Variants in MEA1 observed in about 807,000 individuals in gnomAD.
The protein encoded by MEA1 is Male-enhanced antigen (H-Y structural gene).
Under a neutral mutation model 21.4 loss-of-function variants are expected in MEA1, and 22 were observed. The ratio of observed to expected loss-of-function variants is 1.03; its 90% CI spans 0.73 to 1.47. The LOEUF (loss-of-function observed/expected upper bound fraction) is 1.47. MEA1 is among the 40% of genes most tolerant of loss of function. The pLI, the probability that MEA1 is intolerant of heterozygous loss-of-function variation, is 0.00. For synonymous variants in MEA1, 91 were observed against 85.5 expected (o/e 1.06, Z -0.35); for missense variants, 233 against 230.5 (o/e 1.01, Z -0.07).
upstream of MEA1, chr6:43,014,287 A>G: frequency 1.3e-6 from 1 of 752,944 alleles, no homozygotes; most frequent in South Asian, 1.9e-5. Flanking sequence ...GTTGGCGCGC[A>G]ACGGGTTCTA....
At chr6:43,013,530 A>G (rs1762454772) in intron 1 of MEA1, 141 bp from the exon 2 acceptor site, 2 of 964,572 alleles carry the variant, frequency 2.1e-6, no homozygotes, top group African/African-American at 3.3e-5. Flanking sequence ...CCTCCGCCCC[A>G]ATTCCAGCCT....
In MEA1 at chr6:43,013,335, C is replaced by G. The variant is rs766461819; in HGVS notation, c.83G>C (p.Arg28Pro). 2 of 1,613,978 alleles carry G rather than the reference C, an allele frequency of 1.2e-6. No individual in the cohort carries two copies. Among genetic ancestry groups the G allele is most frequent in the South Asian group, 1.1e-5 (1 of 91,078 alleles). Residue 28 changes from arginine to proline, a missense_variant, in exon 2 of 4, where the codon CGT (arginine) becomes CCT (proline). Transcript: ENST00000244711. ...VLGGDTMGPE[R>P]IFPNQTEELG... ...TTCCTCAGTCTGATTGGGGAAGATA[C>G]GCTCAGGGCCCATGGTGTCTCCTCC...
In MEA1 at chr6:43,013,916, C is replaced by A. The variant is rs1355316793; in HGVS notation, c.-103G>T. 1.3e-6 allele frequency: 2 copies of A among 1,484,298 alleles called. No homozygotes were observed. Among genetic ancestry groups the A allele is most frequent in the Non-Finnish European group, 1.8e-6 (2 of 1,117,434 alleles). The allele number at this position is 1,484,298 out of a possible 1,614,324, so 91.9% of individuals were successfully genotyped here. A position where few individuals can be genotyped will look rare whatever the true frequency, so the allele number is the denominator to read the frequency against. On this transcript the variant is annotated 5_prime_UTR_variant, in exon 1 of 4. It adds an upstream start codon to the 5' untranslated region. Coordinates refer to ENST00000244711, the MANE Select transcript of MEA1 (RefSeq NM_014623.4). ...GCCTCACCCGCTCAGAGCCCGCGGC[C>A]TCCACTTCCGGCGGGGCAGGACGTG...
Position 43,013,892 on chromosome 6 carries a change from C to T in MEA1, c.-79G>A. 2.7e-6 allele frequency: 4 copies of T among 1,507,604 alleles called. No individual in the cohort carries two copies. The highest frequency in any genetic ancestry group is 1.4e-5 in the African/African-American group (1 of 71,522). 93.4% of individuals were successfully genotyped at this position (1,507,604 alleles called of 1,614,324 possible). A position where few individuals can be genotyped will look rare whatever the true frequency, so the allele number is the denominator to read the frequency against. ...ATCCCGGCGCCGGTGTTCCCGCGCGCCTCACCCGCTCAGAGCCCGCGGCCT... is the reference window on the plus strand; with the variant it reads ...ATCCCGGCGCCGGTGTTCCCGCGCGTCTCACCCGCTCAGAGCCCGCGGCCT... On this transcript the variant is annotated 5_prime_UTR_variant, in exon 1 of 4. Transcript: ENST00000244711.
At chr6:43,015,548 G>A (rs1204003226), upstream of MEA1, among the ~76,000 whole-genome samples, 1 of 152,138 alleles carries the variant, frequency 6.6e-6, no homozygotes, top group African/African-American at 2.4e-5. Context: ...TTGACAGGTT[G>A]TGTTTAAGAG....
rs770761896 is a variant in MEA1, at chr6:43,013,375, C to T, written c.43G>A (p.Ala15Thr). 1 of 1,613,328 alleles carries T rather than the reference C, an allele frequency of 6.2e-7. No homozygotes were observed. Among genetic ancestry groups the T allele is most frequent in the South Asian group, 1.1e-5 (1 of 91,086 alleles). ...RHLSGAPARM[A>T]TVVLGGDTMG... ...GTGTCTCCTCCTAGAACTACTGTTGCCATCCGGGCAGGGGCTGCAAGAACA... is the reference window on the plus strand; with the variant it reads ...GTGTCTCCTCCTAGAACTACTGTTGTCATCCGGGCAGGGGCTGCAAGAACA... The change falls in exon 2 of 4, where the codon GCA becomes ACA. Residue 15 changes from alanine (A) to threonine (T), a missense_variant. Ala to Thr is a moderately conservative substitution (Grantham distance 58). Transcript: ENST00000244711.
At position 43,011,307 on chromosome 6, in the gene MEA1, G is replaced by A. The variant is rs200953295; in HGVS notation, c.*1163C>T. 1 of 1,612,718 alleles carries A rather than the reference G, an allele frequency of 6.2e-7. No homozygotes were observed. The highest frequency in any genetic ancestry group is 8.5e-7 in the Non-Finnish European group (1 of 1,179,424). On this transcript the variant is annotated 3_prime_UTR_variant, in exon 4 of 4. Coordinates refer to ENST00000244711, the MANE Select transcript of MEA1 (RefSeq NM_014623.4). ...TCTGACCCCTCACGTTCCTACCACA[G>A]GGCCACAGCCCACACAGCCCTGGGA... is the stretch of plus-strand genomic sequence containing the variant.
In MEA1 at chr6:43,011,165, A is replaced by C; in HGVS notation, c.*1305T>G. ...CACACACAGATGCTAAAAGACATCA[A>C]GAAGGAGAAAGTGCTGCTGCGGAGG... On this transcript the variant is annotated 3_prime_UTR_variant, in exon 4 of 4. Coordinates refer to ENST00000244711, the MANE Select transcript of MEA1 (RefSeq NM_014623.4). 6.2e-7 allele frequency: 1 copy of C among 1,614,164 alleles called. No individual in the cohort carries two copies. The highest frequency in any genetic ancestry group is 1.1e-5 in the South Asian group (1 of 91,086).
chr6:43,012,503 G>C lies in MEA1; in HGVS notation c.525C>G (p.Leu175=). The stretch of plus-strand genomic sequence containing the variant: ...AGGCAGGGGATGCCTGCCGGGCTTG[G>C]AGGGCTTTCTGTACCACATCTTCCC... ...AQWEDVVQKA[L]QARQASPAWK Residue 175 remains leucine, a synonymous_variant, in exon 4 of 4, where the codon CTC becomes CTG. Coordinates refer to ENST00000244711, the MANE Select transcript of MEA1 (RefSeq NM_014623.4). 1 of 1,606,358 alleles carries C rather than the reference G, an allele frequency of 6.2e-7. No homozygotes were observed. The highest frequency in any genetic ancestry group is 8.5e-7 in the Non-Finnish European group (1 of 1,177,578).
chr6:43,012,823 A>C (rs1762418248), intron 3 of MEA1, 103 bp downstream of exon 3: 3 of 1,315,188 alleles, frequency 2.3e-6, no homozygotes, highest in Non-Finnish European at 3.3e-6. Flanking sequence ...TAGTTTACAA[A>C]CTATCTTTTT....
At position 43,011,382 on chromosome 6, in the gene MEA1, A is replaced by G. The variant is rs1762346009; in HGVS notation, c.*1088T>C. 4 of 1,507,868 alleles carry G rather than the reference A, an allele frequency of 2.7e-6. No individual in the cohort carries two copies. The East Asian group carries it at 9.3e-5, about 35-fold the overall frequency. 93.4% of individuals were successfully genotyped at this position (1,507,868 alleles called of 1,614,324 possible). A position where few individuals can be genotyped will look rare whatever the true frequency, so the allele number is the denominator to read the frequency against. ...GCTCCCTACTGGCTGTCTTGGGGGAAGGCAGCGCCTCTCTAGCTACTCAAG... is the reference window on the plus strand; with the variant it reads ...GCTCCCTACTGGCTGTCTTGGGGGAGGGCAGCGCCTCTCTAGCTACTCAAG... On this transcript the variant is annotated 3_prime_UTR_variant, in exon 4 of 4. Coordinates refer to ENST00000244711, the MANE Select transcript of MEA1 (RefSeq NM_014623.4).
chr6:43,013,932 G>A lies in MEA1; in HGVS notation c.-119C>T. ...GCCCGCGGCCTCCACTTCCGGCGGGGCAGGACGTGCAGAGGTGCCTAGTCC... is the reference window on the plus strand; with the variant it reads ...GCCCGCGGCCTCCACTTCCGGCGGGACAGGACGTGCAGAGGTGCCTAGTCC... On this transcript the variant is annotated 5_prime_UTR_variant, in exon 1 of 4. Transcript: ENST00000244711. The A allele has an allele frequency of 6.8e-7, 1 of 1,470,562 alleles. No individual in the cohort carries two copies. The highest frequency in any genetic ancestry group is 9.0e-7 in the Non-Finnish European group (1 of 1,110,922). 91.1% of individuals were successfully genotyped at this position (1,470,562 alleles called of 1,614,324 possible). A position where few individuals can be genotyped will look rare whatever the true frequency, so the allele number is the denominator to read the frequency against.
Position 43,012,056 on chromosome 6 carries a change from AGAAAG to A in MEA1, c.*409_*413del, listed in dbSNP as rs1368656249. 2 of 347,612 alleles carry A rather than the reference AGAAAG, an allele frequency of 5.8e-6. No homozygotes were observed. Among genetic ancestry groups the A allele is most frequent in the African/African-American group, 4.4e-5 (2 of 45,088 alleles). 21.5% of individuals were successfully genotyped at this position (347,612 alleles called of 1,614,324 possible). On this transcript the variant is annotated 3_prime_UTR_variant, in exon 4 of 4. Coordinates refer to ENST00000244711, the MANE Select transcript of MEA1 (RefSeq NM_014623.4). Reference sequence around the variant, plus strand: ...TTCTGTGCTGTTGGTTCCCAAAACTAGAAAGAAGGAAGCAGGGAGCGGTGCCCCAA... The same window carrying A: ...TTCTGTGCTGTTGGTTCCCAAAACTAAAGGAAGCAGGGAGCGGTGCCCCAA...
In MEA1 at chr6:43,011,347, T is replaced by A; in HGVS notation, c.*1123A>T. The A allele has an allele frequency of 6.2e-7, 1 of 1,602,108 alleles. No homozygotes were observed. The highest frequency in any genetic ancestry group is 2.2e-5 in the East Asian group (1 of 44,686). ...CAGCCCTGGGACACTGCCCTGGCCCTCCATACTCTGCTCCCTACTGGCTGT... is the reference window on the plus strand; with the variant it reads ...CAGCCCTGGGACACTGCCCTGGCCCACCATACTCTGCTCCCTACTGGCTGT... On this transcript the variant is annotated 3_prime_UTR_variant, in exon 4 of 4. Coordinates refer to ENST00000244711, the MANE Select transcript of MEA1 (RefSeq NM_014623.4).
chr6:43,013,807 G>A lies in MEA1; in HGVS notation c.7C>T (p.Pro3Ser). The A allele has an allele frequency of 1.9e-6, 3 of 1,608,576 alleles. No homozygotes were observed. Among genetic ancestry groups the A allele is most frequent in the Non-Finnish European group, 2.5e-6 (3 of 1,178,152 alleles). Residue 3 changes from proline to serine, a missense_variant, in exon 1 of 4, where the codon CCT becomes TCT. Transcript: ENST00000244711. ...GTACCGCCTGACAGATGCCTTTCAG[G>A]CCCCATGGGCTCCCCTCAAATGGCC... Reference protein sequence around the residue: MGPERHLSGAPAR... With the variant: MGSERHLSGAPAR...
In MEA1 at chr6:43,011,600, C is replaced by T; in HGVS notation, c.*870G>A. The T allele has an allele frequency of 2.3e-6, 1 of 432,584 alleles. No homozygotes were observed. The highest frequency in any genetic ancestry group is 4.2e-6 in the Non-Finnish European group (1 of 235,762). The allele number at this position is 432,584 out of a possible 1,614,324, so 26.8% of individuals were successfully genotyped here. ...CTGAGGCTGCTCTGAGAAGTACACACAGGAATACATACGCTCCTCTATTCT... is the reference window on the plus strand; with the variant it reads ...CTGAGGCTGCTCTGAGAAGTACACATAGGAATACATACGCTCCTCTATTCT... On this transcript the variant is annotated 3_prime_UTR_variant, in exon 4 of 4. Transcript: ENST00000244711.
chr6:43,016,508 C>T (rs1299287857), upstream of MEA1: 1 of 152,404 alleles, frequency 6.6e-6, no homozygotes, highest in Non-Finnish European at 1.5e-5. Context: ...ACCCCAATGA[C>T]AACAACTCAG....
In MEA1 at chr6:43,011,199, G is replaced by C; in HGVS notation, c.*1271C>G. The C allele has an allele frequency of 6.2e-7, 1 of 1,614,124 alleles. No individual in the cohort carries two copies. Among genetic ancestry groups the C allele is most frequent in the Non-Finnish European group, 8.5e-7 (1 of 1,180,012 alleles). ...AAGTGCTGCTGCGGAGGAAGTCGGAGCTGCCCCAGGACGTGTACACCATCA... is the reference window on the plus strand; with the variant it reads ...AAGTGCTGCTGCGGAGGAAGTCGGACCTGCCCCAGGACGTGTACACCATCA... On this transcript the variant is annotated 3_prime_UTR_variant, in exon 4 of 4. Transcript: ENST00000244711.
upstream of MEA1, chr6:43,014,477 G>A (rs1402955934): frequency 1.6e-5 from 8 of 513,142 alleles, no homozygotes; most frequent in Non-Finnish European, 2.6e-5. Flanking sequence ...GGGGGATGAT[G>A]GGAAAGGAGA....
Sources: gnomAD v4.1 joint callset for allele counts (sites outside exome capture counted in the v4.1 genomes callset) on GRCh38, gnomAD v4.1.1 for gene constraint, MANE v1.5 for transcripts, NCBI Gene and HGNC (gene_info 2026-07-23, HGNC 2026-07-21) for gene names.